The following KCNIP4 variants were observed in gnomAD, a reference collection of about 807,000 sequenced individuals.
KCNIP4 encodes potassium voltage-gated channel interacting protein 4.
Under a neutral mutation model 34.0 loss-of-function variants are expected in KCNIP4, and 12 were observed. The observed-to-expected ratio is 0.35, with a 90% CI of 0.23 to 0.57. KCNIP4 has a LOEUF of 0.57. Ranked by LOEUF, KCNIP4 falls within the 20% of genes least tolerant of loss-of-function variation. KCNIP4 has a pLI of 0.83. For synonymous variants in KCNIP4, 124 were observed against 102.2 expected (o/e 1.21, Z -1.29); for missense variants, 238 against 311.7 (o/e 0.76, Z 1.78).
chr4:21,339,007 A>G (rs943308211), intron 1 of KCNIP4, among the ~76,000 whole-genome samples: 6 of 152,152 alleles, frequency 3.9e-5, no homozygotes, highest in Admixed American at 2.0e-4. Flanking sequence ...TCATGGGGGT[A>G]AACACCACCG....
intron 1 of KCNIP4, among the ~76,000 whole-genome samples, chr4:20,957,312 T>C (rs1459844792): frequency 1.3e-5 from 2 of 152,194 alleles, no homozygotes; most frequent in Non-Finnish European, 2.9e-5. Context: ...ATATAGCTTA[T>C]TGAATTGTTA....
intron 3 of KCNIP4, among the ~76,000 whole-genome samples, chr4:20,774,985 T>G (rs1351065323): frequency 2.0e-5 from 3 of 152,220 alleles, no homozygotes; most frequent in Non-Finnish European, 4.4e-5. Flanking sequence ...AATCGCATTC[T>G]AAACACTCAG....
chr4:21,249,343 T>C (rs1760519900), intron 1 of KCNIP4, among the ~76,000 whole-genome samples: 1 of 152,124 alleles, frequency 6.6e-6, no homozygotes, highest in Admixed American at 6.6e-5. Flanking sequence ...GCACTCTCTC[T>C]TCCGATGCAT....
At chr4:21,294,148 C>T (rs1763703647) in intron 1 of KCNIP4, among the ~76,000 whole-genome samples, 1 of 152,132 alleles carries the variant, frequency 6.6e-6, no homozygotes, top group Non-Finnish European at 1.5e-5. Flanking sequence ...ACAAAGTGCT[C>T]ATTAAGGTGT....
chr4:21,114,986 T>C (rs1749565680), intron 1 of KCNIP4, among the ~76,000 whole-genome samples: 1 of 152,200 alleles, frequency 6.6e-6, no homozygotes, highest in Non-Finnish European at 1.5e-5. Flanking sequence ...TTTATAGTTA[T>C]CTGGCCATTT....
At chr4:21,039,859 T>C (rs1287657540) in intron 1 of KCNIP4, among the ~76,000 whole-genome samples, 4 of 152,236 alleles carry the variant, frequency 2.6e-5, no homozygotes, top group African/African-American at 9.6e-5. Context: ...TCTATATTCA[T>C]CTGTTCTCAT....
rs201705965 is a variant in KCNIP4 at position 20,779,226 on chromosome 4, G to A, written c.289-20336C>T. On this transcript the variant is annotated intron_variant, in intron 3 of 8. Transcript: ENST00000382152. The stretch of plus-strand genomic sequence containing the variant: ...AATACAGATCAAATTCCTCTGTCCC[G>A]TGAGAAAATGAGACAGTTCTGTAGG... Among the ~76,000 whole-genome samples the A allele has an allele frequency of 2.2e-4, 33 of 152,168 alleles. No homozygotes were observed. In the South Asian group the frequency reaches 2.5e-3, roughly 11 times the overall value.
At chr4:21,555,564 C>T (rs1738941954) in intron 1 of KCNIP4, among the ~76,000 whole-genome samples, 1 of 152,052 alleles carries the variant, frequency 6.6e-6, no homozygotes. Flanking sequence ...TGCATTAAAG[C>T]ATGATCTTCC....
intron 1 of KCNIP4, among the ~76,000 whole-genome samples, chr4:21,105,484 G>T (rs1748429883): frequency 6.6e-6 from 1 of 151,664 alleles, no homozygotes; most frequent in Non-Finnish European, 1.5e-5. Flanking sequence ...ATCAGCTGAA[G>T]GAGATTTTGG....
chr4:21,557,232 T>C (rs1441561659), intron 1 of KCNIP4, among the ~76,000 whole-genome samples: 16 of 152,160 alleles, frequency 1.1e-4, no homozygotes, highest in Non-Finnish European at 5.9e-5. Flanking sequence ...AGAGTTAATA[T>C]TCATCGCTAG....
At chr4:21,188,913 A>T (rs1051876787) in intron 1 of KCNIP4, among the ~76,000 whole-genome samples, 2 of 152,202 alleles carry the variant, frequency 1.3e-5, no homozygotes, top group Non-Finnish European at 2.9e-5. Flanking sequence ...AACCTCAAAA[A>T]AGTTTGGAAA....
At chr4:21,292,726 T>C (rs1190229788) in intron 1 of KCNIP4, among the ~76,000 whole-genome samples, 1 of 152,202 alleles carries the variant, frequency 6.6e-6, no homozygotes, top group African/African-American at 2.4e-5. Context: ...AAGAAAGCAG[T>C]TGGACACAAT....
rs537697377 is a variant in KCNIP4 at position 21,522,359 on chromosome 4, C to T, written c.61+426212G>A. 2.6e-5 allele frequency among the ~76,000 whole-genome samples: 4 copies of T among 151,724 alleles called. No homozygotes were observed. The South Asian group carries it at 6.3e-4, about 24-fold the overall frequency. On this transcript the variant is annotated intron_variant, in intron 1 of 8. Coordinates refer to ENST00000382152, the MANE Select transcript of KCNIP4 (RefSeq NM_025221.6). ...AGCAAAATACATTTTCACCTGCCAC[C>T]GTATATTCTGCAGCCTCAACTTTTT...
At chr4:21,467,055 C>A (rs1730013650) in intron 1 of KCNIP4, among the ~76,000 whole-genome samples, 1 of 139,448 alleles carries the variant, frequency 7.2e-6, no homozygotes, top group Non-Finnish European at 1.5e-5. Context: ...CAAAACCAAA[C>A]CAAACCAAAC....
At chr4:21,750,611 G>A (rs1717090713) in intron 1 of KCNIP4, among the ~76,000 whole-genome samples, 1 of 152,162 alleles carries the variant, frequency 6.6e-6, no homozygotes, top group Admixed American at 6.6e-5. Context: ...CATTTATTCA[G>A]CATTTACTAG....
chr4:21,785,456 G>C (rs1719839687), intron 1 of KCNIP4, among the ~76,000 whole-genome samples: 1 of 152,036 alleles, frequency 6.6e-6, no homozygotes, highest in Non-Finnish European at 1.5e-5. Context: ...GCCAGGTGTG[G>C]TGGCGCATGT....
chr4:20,922,516 ACTGTCTGTCTGTCTGT>A (rs763750641), intron 1 of KCNIP4, among the ~76,000 whole-genome samples: 4 of 143,260 alleles, frequency 2.8e-5, no homozygotes, highest in Admixed American at 1.4e-4. Context: ...TAATAGTGTG[ACTGTCTGTCTGTCTGT>A]CTGTCTGTCT....
intron 1 of KCNIP4, among the ~76,000 whole-genome samples, chr4:21,242,862 T>TCA (rs1759939651): frequency 6.7e-6 from 1 of 149,044 alleles, no homozygotes; most frequent in Admixed American, 6.9e-5. Flanking sequence ...CATCTCTTTC[T>TCA]CACACATGTG....
chr4:21,940,932 A>G (rs917310440), intron 1 of KCNIP4, among the ~76,000 whole-genome samples: 32 of 152,116 alleles, frequency 2.1e-4, no homozygotes, highest in African/African-American at 7.2e-4. Flanking sequence ...GTTGGAGTAC[A>G]ACCCTGTATC....
Sources: gnomAD v4.1 joint callset for allele counts (sites outside exome capture counted in the v4.1 genomes callset) on GRCh38, gnomAD v4.1.1 for gene constraint, MANE v1.5 for transcripts, NCBI Gene and HGNC (gene_info 2026-07-23, HGNC 2026-07-21) for gene names.